The following KAZN variants were observed in gnomAD, a reference collection of about 807,000 sequenced individuals.
The protein encoded by KAZN is kazrin.
A neutral mutation model predicts 87.4 loss-of-function variants in KAZN; 40 were observed. That is an observed-to-expected ratio of 0.46 (90% CI 0.36 to 0.60). The LOEUF (loss-of-function observed/expected upper bound fraction) is 0.60. Among genes scored for constraint, KAZN ranks in the 20% least tolerant of loss-of-function variants. KAZN has a pLI of 0.00. For synonymous variants in KAZN, 466 were observed against 458.3 expected (o/e 1.02, Z -0.22); for missense variants, 898 against 1,073.9 (o/e 0.84, Z 2.29).
At chr1:15,095,087 G>T (rs1640747058) in intron 10 of KAZN, among the ~76,000 whole-genome samples, 154 bp downstream of exon 10, 1 of 152,160 alleles carries the variant, frequency 6.6e-6, no homozygotes, top group Non-Finnish European at 1.5e-5. Flanking sequence ...CCCCTGATGA[G>T]GGGGCTTGGG....
chr1:14,967,153 C>T (rs940120103), intron 2 of KAZN, among the ~76,000 whole-genome samples: 2 of 152,182 alleles, frequency 1.3e-5, no homozygotes, highest in Non-Finnish European at 2.9e-5. Context: ...GCAGGAGTCA[C>T]TATGTGAAGT....
At chr1:14,618,072 G>A (rs1336170059) in intron 1 of KAZN, among the ~76,000 whole-genome samples, 1 of 152,202 alleles carries the variant, frequency 6.6e-6, no homozygotes, top group Non-Finnish European at 1.5e-5. Flanking sequence ...TTATAGCTCA[G>A]CTGCTGATAT....
At chr1:15,031,029 T>C (rs974659055) in intron 2 of KAZN, among the ~76,000 whole-genome samples, 18 of 152,214 alleles carry the variant, frequency 1.2e-4, no homozygotes, top group African/African-American at 4.3e-4. Context: ...CCATACCTGG[T>C]GTCTCCAGCT....
At chr1:14,583,375 C>G (rs984893140) in intron 2 of KAZN, among the ~76,000 whole-genome samples, 9 of 152,210 alleles carry the variant, frequency 5.9e-5, no homozygotes, top group African/African-American at 2.2e-4. Context: ...GTGTGCCAGC[C>G]ACGAGAACAC....
chr1:14,162,546 TC>T (rs939409681), intron 1 of KAZN, among the ~76,000 whole-genome samples: 5 of 127,600 alleles, frequency 3.9e-5, no homozygotes, highest in Admixed American at 8.2e-5. Flanking sequence ...TTTTCTTTTT[TC>T]TTTTTTTTTT....
At chr1:14,893,608 G>C (rs916736273) in intron 1 of KAZN, among the ~76,000 whole-genome samples, 11 of 152,132 alleles carry the variant, frequency 7.2e-5, no homozygotes, top group Non-Finnish European at 8.8e-5. Flanking sequence ...TCTCCCTACA[G>C]GCTGGGGAAG....
intron 2 of KAZN, among the ~76,000 whole-genome samples, chr1:14,220,055 T>C (rs1647059095): frequency 1.3e-5 from 2 of 152,184 alleles, no homozygotes; most frequent in South Asian, 4.1e-4. Context: ...GGTGCCCTGA[T>C]CTCCCTCCTG....
intron 2 of KAZN, among the ~76,000 whole-genome samples, chr1:14,414,001 G>C (rs1017935905): frequency 6.6e-6 from 1 of 152,162 alleles, no homozygotes; most frequent in South Asian, 2.1e-4. Context: ...TTTTCATTCC[G>C]ATCATGCCTG....
chr1:14,127,917 G>A (rs1259541468), intron 1 of KAZN, among the ~76,000 whole-genome samples: 2 of 152,162 alleles, frequency 1.3e-5, no homozygotes, highest in African/African-American at 4.8e-5. Flanking sequence ...AGGTCCCTGG[G>A]TCCACTCACG....
intron 1 of KAZN, among the ~76,000 whole-genome samples, chr1:14,165,669 T>C (rs1274572112): frequency 6.6e-6 from 1 of 152,200 alleles, no homozygotes; most frequent in East Asian, 1.9e-4. Context: ...AAGAACAGTC[T>C]GTTGTCATCA....
At chr1:14,925,438 C>G (rs564057099) in intron 1 of KAZN, among the ~76,000 whole-genome samples, 1 of 152,296 alleles carries the variant, frequency 6.6e-6, no homozygotes, top group African/African-American at 2.4e-5. Context: ...TCATCGAACA[C>G]CTATTGTGTT....
At chr1:14,740,401 T>C (rs1644056144) in intron 1 of KAZN, among the ~76,000 whole-genome samples, 1 of 152,166 alleles carries the variant, frequency 6.6e-6, no homozygotes, top group African/African-American at 2.4e-5. Flanking sequence ...CAAACTATGA[T>C]GCTTTTTCCT....
intron 1 of KAZN, among the ~76,000 whole-genome samples, chr1:14,893,168 C>A (rs1450404790): frequency 2.6e-5 from 4 of 151,808 alleles, no homozygotes; most frequent in African/African-American, 9.7e-5. Flanking sequence ...GAGTTCGAGA[C>A]CAACCAGACC....
chr1:14,097,867 C>T (rs1308581902), intron 1 of KAZN, among the ~76,000 whole-genome samples: 2 of 152,046 alleles, frequency 1.3e-5, no homozygotes, highest in African/African-American at 4.8e-5. Context: ...CCAGATGAGC[C>T]CAGAGCTCAC....
intron 2 of KAZN, among the ~76,000 whole-genome samples, chr1:14,286,043 A>T (rs1416733320): frequency 6.6e-6 from 1 of 152,210 alleles, no homozygotes. Context: ...GTTTCTCTTC[A>T]GGCTAAGTAC....
At chr1:14,583,412 C>T (rs1230911367) in intron 2 of KAZN, among the ~76,000 whole-genome samples, 3 of 152,174 alleles carry the variant, frequency 2.0e-5, no homozygotes, top group African/African-American at 7.2e-5. Context: ...TGCATGCAGA[C>T]ATGGGAATGC....
intron 1 of KAZN, among the ~76,000 whole-genome samples, chr1:14,827,493 T>G (rs61772309): frequency 0.099 from 15,122 of 152,158 alleles, 1,220 homozygotes; most frequent in East Asian, 0.29. Context: ...CACTTATGAG[T>G]GAGAACATGC....
chr1:14,471,571 G>A (rs1247694514), intron 2 of KAZN, among the ~76,000 whole-genome samples: 1 of 152,090 alleles, frequency 6.6e-6, no homozygotes, highest in Non-Finnish European at 1.5e-5. Context: ...CTGAACTGAT[G>A]TTCCAGAAGA....
At chr1:14,689,192 C>CCAAA (rs1641136876) in intron 1 of KAZN, among the ~76,000 whole-genome samples, 1 of 135,420 alleles carries the variant, frequency 7.4e-6, no homozygotes, top group East Asian at 2.2e-4. Context: ...CAGACTCTGT[C>CCAAA]TCAAAACAAA....
Sources: gnomAD v4.1 joint callset for allele counts (sites outside exome capture counted in the v4.1 genomes callset) on GRCh38, gnomAD v4.1.1 for gene constraint, MANE v1.5 for transcripts, NCBI Gene and HGNC (gene_info 2026-07-23, HGNC 2026-07-21) for gene names.